The following EML6 variants were observed in gnomAD, a reference collection of about 807,000 sequenced individuals.
The protein encoded by EML6 is echinoderm microtubule-associated protein-like 6.
A neutral mutation model predicts 240.1 loss-of-function variants in EML6; 154 were observed. That is an observed-to-expected ratio of 0.64 (90% CI 0.56 to 0.73). The LOEUF (loss-of-function observed/expected upper bound fraction) is 0.73. EML6 is among the 30% of genes least tolerant of loss of function. EML6 has a pLI of 0.00. For missense variants in EML6, 2,964 were observed against 2,474.6 expected (o/e 1.20, Z -4.20); for synonymous variants, 1,148 against 899.0 (o/e 1.28, Z -4.95).
At chr2:54,785,400 C>G (rs1669036491) in intron 2 of EML6, among the ~76,000 whole-genome samples, 1 of 151,982 alleles carries the variant, frequency 6.6e-6, no homozygotes, top group Admixed American at 6.6e-5. Context: ...GTCTTGAACT[C>G]CGGACCTCAA....
In EML6 at chr2:54,850,032, G is replaced by C; in HGVS notation, c.1258G>C (p.Gly420Arg). Reference protein sequence around the residue: ...VIHEMKFSPDGSYLAVGSNDG... With the variant: ...VIHEMKFSPDRSYLAVGSNDG... ...TCATGAAATGAAATTTTCTCCAGAT[G>C]GTTCTTACCTTGCAGTGGGATCCAA... The change falls in exon 10 of 42, where the codon GGT becomes CGT. Residue 420 changes from glycine (G) to arginine (R), a missense_variant. Physicochemically the swap from Gly to Arg is moderately radical, Grantham distance 125. Coordinates refer to ENST00000356458, the MANE Select transcript of EML6 (RefSeq NM_001039753.4). 1.9e-6 allele frequency: 3 copies of C among 1,551,822 alleles called. No homozygotes were observed. The highest frequency in any genetic ancestry group is 1.4e-5 in the African/African-American group (1 of 73,166).
At position 54,819,648 on chromosome 2, in the gene EML6, C is replaced by T. The variant is rs563843863; in HGVS notation, c.457-746C>T. On this transcript the variant is annotated intron_variant, in intron 4 of 41. Coordinates refer to ENST00000356458, the MANE Select transcript of EML6 (RefSeq NM_001039753.4). ...AAAATTAACTGGGCGTGGTGGCACG[C>T]GCCTGTAGTCCCAGCTACTCGGGAG... is the stretch of plus-strand genomic sequence containing the variant. Among the ~76,000 whole-genome samples the T allele has an allele frequency of 6.6e-5, 10 of 151,910 alleles. No homozygotes were observed. The East Asian group carries it at 7.8e-4, about 12-fold the overall frequency.
At chr2:54,727,777 T>G (rs1255770118) in intron 2 of EML6, among the ~76,000 whole-genome samples, 1 of 152,244 alleles carries the variant, frequency 6.6e-6, no homozygotes, top group Non-Finnish European at 1.5e-5. Context: ...GAAAGATATA[T>G]TCATATGCAT....
chr2:54,924,258 C>T (rs1366478557), intron 26 of EML6, among the ~76,000 whole-genome samples: 3 of 152,130 alleles, frequency 2.0e-5, no homozygotes, highest in African/African-American at 4.8e-5. Context: ...TGCTGATATT[C>T]GATCTTGTCA....
chr2:54,864,965 C>T (rs967256925), intron 13 of EML6, among the ~76,000 whole-genome samples: 5 of 152,138 alleles, frequency 3.3e-5, no homozygotes, highest in Admixed American at 1.3e-4. Flanking sequence ...TTGTATTATG[C>T]AATATGACTA....
chr2:54,851,275 C>T lies in EML6; in HGVS notation c.1444+1057C>T, dbSNP rs561515195. Among the ~76,000 whole-genome samples the T allele has an allele frequency of 1.4e-4, 21 of 152,144 alleles. 2 individuals are homozygous for T. Among genetic ancestry groups the T allele is most frequent in the African/African-American group, 4.3e-4 (18 of 41,502 alleles). ...GATACAAAAAAAAATCAGCCAGGCG[C>T]GGTGGCGGGCACCTGTATTTCCAGC... On this transcript the variant is annotated intron_variant, in intron 10 of 41. Transcript: ENST00000356458.
chr2:54,766,468 A>G (rs1000655572), intron 2 of EML6, among the ~76,000 whole-genome samples: 2 of 152,154 alleles, frequency 1.3e-5, no homozygotes, highest in African/African-American at 2.4e-5. Context: ...TTTTGTTTAT[A>G]TAATTTTGGC....
chr2:54,877,044 A>G (rs1388003170), intron 16 of EML6, among the ~76,000 whole-genome samples: 1 of 151,370 alleles, frequency 6.6e-6, no homozygotes, highest in Non-Finnish European at 1.5e-5. Flanking sequence ...GTGCAGTGGC[A>G]TGATCATGGC....
intron 2 of EML6, among the ~76,000 whole-genome samples, chr2:54,807,703 C>T (rs932281991): frequency 6.6e-6 from 1 of 152,116 alleles, no homozygotes; most frequent in Non-Finnish European, 1.5e-5. Flanking sequence ...AAAATAATTA[C>T]CAAGTGACGA....
chr2:54,885,878 T>C (rs182462251), intron 17 of EML6, among the ~76,000 whole-genome samples: 1 of 152,280 alleles, frequency 6.6e-6, no homozygotes, highest in East Asian at 1.9e-4. Context: ...CCCAAAGTGC[T>C]GAGATTACAG....
At position 54,844,195 on chromosome 2, in the gene EML6, C is replaced by T. The variant is rs1669627799; in HGVS notation, c.996C>T (p.Ala332=). 1.3e-6 allele frequency: 2 copies of T among 1,551,546 alleles called. No individual in the cohort carries two copies. Among genetic ancestry groups the T allele is most frequent in the Admixed American group, 2.0e-5 (1 of 50,984 alleles). Reference sequence around the variant, plus strand: ...GCGAGGGTGAGCTCTGGGCTCTGGCCCTGCACCCCAAGAAGCCTCTGGCTG... The same window carrying T: ...GCGAGGGTGAGCTCTGGGCTCTGGCTCTGCACCCCAAGAAGCCTCTGGCTG... The part of the protein sequence containing the change: ...GHCEGELWAL[A]LHPKKPLAVT... The change falls in exon 8 of 42, where the codon GCC becomes GCT. Residue 332 remains alanine, a synonymous_variant. Transcript: ENST00000356458.
At chr2:54,805,743 T>G (rs1006319525) in intron 2 of EML6, among the ~76,000 whole-genome samples, 1 of 152,208 alleles carries the variant, frequency 6.6e-6, no homozygotes, top group Non-Finnish European at 1.5e-5. Context: ...GAGACCATTA[T>G]CTTTCAGAGG....
chr2:54,880,980 A>G (rs910545615), intron 17 of EML6: 2 of 152,164 alleles, frequency 1.3e-5, no homozygotes, highest in African/African-American at 4.8e-5. Context: ...AAAATAGTAT[A>G]TATTTTATAT....
intron 2 of EML6, among the ~76,000 whole-genome samples, chr2:54,747,732 AC>A: frequency 6.6e-6 from 1 of 152,334 alleles, no homozygotes; most frequent in East Asian, 1.9e-4. Flanking sequence ...AAATTACTGT[AC>A]TAATTAGCAT....
At chr2:54,823,179 G>C (rs891219239) in intron 5 of EML6, among the ~76,000 whole-genome samples, 1 of 152,202 alleles carries the variant, frequency 6.6e-6, no homozygotes, top group Non-Finnish European at 1.5e-5. Flanking sequence ...TTGGAAGAAA[G>C]GTAAAAATCA....
intron 2 of EML6, among the ~76,000 whole-genome samples, chr2:54,736,058 T>C (rs1683374803): frequency 6.6e-6 from 1 of 152,148 alleles, no homozygotes; most frequent in South Asian, 2.1e-4. Context: ...GCAGGGTCCC[T>C]TGAAGCAAGA....
At chr2:54,727,191 GACAGTTAGCATCTGAT>G (rs1682948670) in intron 2 of EML6, among the ~76,000 whole-genome samples, 1 of 150,820 alleles carries the variant, frequency 6.6e-6, no homozygotes, top group African/African-American at 2.5e-5. Context: ...GGGAAAAAGA[GACAGTTAGCATCTGAT>G]CTATTCATTA....
chr2:54,794,080 C>G (rs1669622527), intron 2 of EML6, among the ~76,000 whole-genome samples: 1 of 152,096 alleles, frequency 6.6e-6, no homozygotes, highest in Non-Finnish European at 1.5e-5. Flanking sequence ...AAGTATATTC[C>G]ATATATTATC....
intron 4 of EML6, among the ~76,000 whole-genome samples, chr2:54,818,947 A>C (rs908783993): frequency 6.6e-6 from 1 of 152,174 alleles, no homozygotes; most frequent in Non-Finnish European, 1.5e-5. Context: ...AATCCATTAC[A>C]TTTATATAAT....
Sources: allele counts gnomAD v4.1 joint callset (sites outside exome capture counted in the v4.1 genomes callset), GRCh38; gene constraint gnomAD v4.1.1; transcripts MANE v1.5; gene names NCBI Gene and HGNC (gene_info 2026-07-23, HGNC 2026-07-21).